Variants in ABCA7 observed in about 807,000 individuals in gnomAD.
ABCA7 encodes the protein ATP binding cassette subfamily A member 7.
A neutral mutation model predicts 227.6 loss-of-function variants in ABCA7; 261 were observed. The observed-to-expected ratio is 1.15, with a 90% CI of 1.04 to 1.27. The LOEUF is 1.27. Among genes scored for constraint, ABCA7 ranks in the 50% most tolerant of loss-of-function variants. The pLI is 0.00. For missense variants in ABCA7, 3,331 were observed against 2,924.5 expected, an observed-to-expected ratio of 1.14 and a Z score of -3.21; for synonymous variants, 1,488 against 1,279.7, an observed-to-expected ratio of 1.16 and a Z score of -3.47.
In ABCA7 at chr19:1,058,935, A is replaced by G. The variant is rs1280934895; in HGVS notation, c.5395A>G (p.Thr1799Ala). The part of the protein sequence containing the change: ...QGDVLVLRNL[T>A]KVYRGQRMPA... ...GGATGTGTTGGTGCTGAGGAACTTG[A>G]CCAAGGTAGGTGTGGTCAGGTCGAC... The change falls in exon 39 of 47, where the codon ACC (threonine) becomes GCC (alanine). Residue 1799 changes from threonine to alanine, a missense_variant. By Grantham distance (58) the Thr-to-Ala change is moderately conservative. Transcript: ENST00000263094. 6.2e-7 allele frequency: 1 copy of G among 1,604,000 alleles called. No homozygotes were observed. The highest frequency in any genetic ancestry group is 1.7e-5 in the Admixed American group (1 of 59,702).
chr19:1,055,804 C>T (rs1389158205), intron 30 of ABCA7, 103 bp from the exon 31 acceptor site: 5 of 1,279,712 alleles, frequency 3.9e-6, no homozygotes, highest in Non-Finnish European at 4.3e-6. Flanking sequence ...GCCCGGCTTT[C>T]TTTCCTGTTT....
In ABCA7 at chr19:1,054,437, G is replaced by A. The variant is rs2042062483; in HGVS notation, c.3726+96G>A. On this transcript the variant is annotated intron_variant, in intron 27 of 46. Transcript: ENST00000263094. The surrounding 1 kb of genome is among the most constrained non-coding windows in gnomAD (Gnocchi z 4.8). ...GCCTAATCCAAACCCTTACCCCCGT[G>A]TGTATTCCCAACCCAAAGCACATTT... The A allele has an allele frequency of 2.6e-6, 4 of 1,551,272 alleles. No homozygotes were observed. The African/African-American group carries it at 4.0e-5, about 16-fold the overall frequency.
chr19:1,048,379 C>G (rs2040936153), intron 16 of ABCA7, among the ~76,000 whole-genome samples: 1 of 150,756 alleles, frequency 6.6e-6, no homozygotes, highest in South Asian at 2.1e-4. Context: ...TGCCTGTTTC[C>G]TAGCTACTTG....
chr19:1,060,217 CT>C (rs1207598389), intron 40 of ABCA7, among the ~76,000 whole-genome samples: 1 of 117,834 alleles, frequency 8.5e-6, no homozygotes, highest in South Asian at 2.7e-4. Flanking sequence ...ATTTTTTTTT[CT>C]TTTTTTTTCT....
intron 42 of ABCA7, 69 bp downstream of exon 42, chr19:1,062,382 C>T: frequency 6.4e-7 from 1 of 1,571,110 alleles, no homozygotes; most frequent in Non-Finnish European, 8.6e-7. Flanking sequence ...GCCTCTAAAG[C>T]CTGGCCCAAT....
chr19:1,052,669 A>T (rs2041869352), intron 23 of ABCA7, among the ~76,000 whole-genome samples: 1 of 53,700 alleles, frequency 1.9e-5, no homozygotes, highest in Non-Finnish European at 3.6e-5. Flanking sequence ...GAGGAGGGGG[A>T]GGAGAAGGGG....
At position 1,049,327 on chromosome 19, in the gene ABCA7, G is replaced by A. The variant is rs200421609; in HGVS notation, c.2442G>A (p.Lys814=). 4.3e-6 allele frequency: 7 copies of A among 1,611,592 alleles called. No homozygotes were observed. Among genetic ancestry groups the A allele is most frequent in the African/African-American group, 2.7e-5 (2 of 74,902 alleles). ...GCGTCTCCGTTCGCAGCCTGGAGAA[G>A]CGCTTTCCTGGAAGCCCGCAGCCAG... is the stretch of plus-strand genomic sequence containing the variant. The part of the protein sequence containing the change: ...SPGVSVRSLE[K]RFPGSPQPAL... Residue 814 remains lysine (K), a synonymous_variant, in exon 18 of 47, where the codon AAG becomes AAA. Coordinates refer to ENST00000263094, the MANE Select transcript of ABCA7 (RefSeq NM_019112.4).
intron 45 of ABCA7, 175 bp from the exon 46 acceptor site, chr19:1,064,756 C>A: frequency 9.5e-7 from 1 of 1,052,510 alleles, no homozygotes; most frequent in Non-Finnish European, 1.3e-6. Flanking sequence ...TGGTGTGTGC[C>A]TGTGGTCTCA....
Position 1,058,598 on chromosome 19 carries a change from C to T in ABCA7, c.5150-20C>T. 6.2e-7 allele frequency: 1 copy of T among 1,612,734 alleles called. No individual in the cohort carries two copies. The highest frequency in any genetic ancestry group is 1.3e-5 in the African/African-American group (1 of 74,804). On this transcript the variant is annotated intron_variant, in intron 37 of 46. Coordinates refer to ENST00000263094, the MANE Select transcript of ABCA7 (RefSeq NM_019112.4). ...AACCAAGACTCTCATGGACCCAGTC[C>T]CTCCTTTCTATATCCACAGGAGACA...
In ABCA7 at chr19:1,047,186, G is replaced by T; in HGVS notation, c.1875G>T (p.Pro625=). The stretch of plus-strand genomic sequence containing the variant: ...GAGACATCCTCCCCTACAGCCACCC[G>T]GGCGTGGTCTTCCTGTTCTTGGCAG... ...KLGDILPYSH[P]GVVFLFLAAF... The change falls in exon 15 of 47, where the codon CCG becomes CCT. Residue 625 remains proline (P), a synonymous_variant. Transcript: ENST00000263094. 6.2e-7 allele frequency: 1 copy of T among 1,605,310 alleles called. No homozygotes were observed.
rs781251429 is a variant in ABCA7, at chr19:1,047,139, T to G, written c.1846-18T>G. The G allele has an allele frequency of 6.3e-7, 1 of 1,590,540 alleles. No homozygotes were observed. The highest frequency in any genetic ancestry group is 2.3e-5 in the East Asian group (1 of 42,962). On this transcript the variant is annotated intron_variant, in intron 14 of 46. Coordinates refer to ENST00000263094, the MANE Select transcript of ABCA7 (RefSeq NM_019112.4). ...CCAATCCAGGAGCTGCACCCTAAGC[T>G]CCCGTTGCCTCTCACAGCTGGGAGA...
In ABCA7 at chr19:1,065,488, T is replaced by A; in HGVS notation, c.*63T>A. On this transcript the variant is annotated 3_prime_UTR_variant, in exon 47 of 47. Transcript: ENST00000263094. ...AATGGCAAGGGCAAGGTAGAGTGCC[T>A]AGGAGCCCTGGACTCAGGCTGGCAG... The A allele has an allele frequency of 6.3e-7, 1 of 1,576,730 alleles. No homozygotes were observed. The highest frequency in any genetic ancestry group is 8.7e-7 in the Non-Finnish European group (1 of 1,155,702).
chr19:1,047,938 C>T (rs942765991), intron 16 of ABCA7, among the ~76,000 whole-genome samples: 1 of 152,212 alleles, frequency 6.6e-6, no homozygotes, highest in African/African-American at 2.4e-5. Flanking sequence ...CTTGTAATCC[C>T]AGCACTTTGG....
rs11672201 is a variant in ABCA7, at chr19:1,043,325, C to G, written c.791-9C>G. 0.072 allele frequency: 116,273 copies of G among 1,612,932 alleles called. 4,892 individuals are homozygous for G. Among genetic ancestry groups the G allele is most frequent in the Non-Finnish European group, 0.086 (101,098 of 1,179,904 alleles). On this transcript the variant is annotated splice_polypyrimidine_tract_variant and intron_variant, in intron 8 of 46. Coordinates refer to ENST00000263094, the MANE Select transcript of ABCA7 (RefSeq NM_019112.4). ...AGGGGGGCAGGGCCTCATGGCACCCCCATCCCAGGCCCCGCCTGCTCGGAG... is the reference window on the plus strand; with the variant it reads ...AGGGGGGCAGGGCCTCATGGCACCCGCATCCCAGGCCCCGCCTGCTCGGAG...
In ABCA7 at chr19:1,042,890, A is replaced by G. The variant is rs189610140; in HGVS notation, c.579+64A>G. The stretch of plus-strand genomic sequence containing the variant: ...ACGTTGGCAGGCAGCCTGCGCCGGG[A>G]GGGTCTGGGGCAGCCCGGGCACTTC... On this transcript the variant is annotated intron_variant, in intron 7 of 46. Transcript: ENST00000263094. The G allele has an allele frequency of 6.0e-4, 908 of 1,523,488 alleles. 5 individuals are homozygous for G. The African/African-American group carries it at 0.011, about 19-fold the overall frequency. 94.4% of individuals were successfully genotyped at this position (1,523,488 alleles called of 1,614,324 possible). A position where few individuals can be genotyped will look rare whatever the true frequency, so the allele number is the denominator to read the frequency against.
rs1261469306 is a variant in ABCA7, at chr19:1,043,233, C to T, written c.772C>T (p.Leu258=). The change falls in exon 8 of 47, where the codon CTG becomes TTG. Residue 258 remains leucine, a synonymous_variant. Transcript: ENST00000263094. ...GGTGGGGCAGGAGCCAGAATCCGCC[C>T]TGCCAGACAGCAGCCTGAGTGAGTG... is the stretch of plus-strand genomic sequence containing the variant. The part of the protein sequence containing the change: ...ELVGQEPESA[L]PDSSLSPACS... 1.2e-6 allele frequency: 2 copies of T among 1,607,442 alleles called. No individual in the cohort carries two copies. Among genetic ancestry groups the T allele is most frequent in the Non-Finnish European group, 1.7e-6 (2 of 1,175,536 alleles).
chr19:1,061,560 A>T (rs2042656928), intron 40 of ABCA7, among the ~76,000 whole-genome samples: 1 of 150,648 alleles, frequency 6.6e-6, no homozygotes, highest in Non-Finnish European at 1.5e-5. Context: ...TTAGCTGGGC[A>T]TGGTGGCAGG....
chr19:1,058,105 A>T (rs775811177), intron 36 of ABCA7, 41 bp from the exon 37 acceptor site: 1 of 1,613,818 alleles, frequency 6.2e-7, no homozygotes, highest in Non-Finnish European at 8.5e-7. Flanking sequence ...GGGTCGTTGG[A>T]CTCAGCCCCT....
Position 1,046,866 on chromosome 19 carries a change from A to T in ABCA7, c.1687A>T (p.Thr563Ser). ...FLTLAWIYSV[T>S]LTVKAVVREK... ...GACGCTGGCCTGGATCTACTCCGTG[A>T]CACTGACAGTGAAGGCCGTGGTGCG... Residue 563 changes from threonine (T) to serine (S), a missense_variant, in exon 14 of 47, where the codon ACA (threonine) becomes TCA (serine). Transcript: ENST00000263094. 6.5e-7 allele frequency: 1 copy of T among 1,545,018 alleles called. No individual in the cohort carries two copies. The highest frequency in any genetic ancestry group is 8.7e-7 in the Non-Finnish European group (1 of 1,149,822).
Sources: gnomAD v4.1 joint callset for allele counts (sites outside exome capture counted in the v4.1 genomes callset) on GRCh38, gnomAD v4.1.1 for gene constraint, Gnocchi (gnomAD v3.1) non-coding constraint, MANE v1.5 for transcripts, NCBI Gene and HGNC (gene_info 2026-07-23, HGNC 2026-07-21) for gene names.